SORCS1: variants seen among roughly 807,000 people sequenced by gnomAD.
The protein encoded by SORCS1 is VPS10 domain-containing receptor SorCS1.
SORCS1 carries 60 observed loss-of-function variants against 146.1 expected under a neutral mutation model. That is an observed-to-expected ratio of 0.41 (90% CI 0.33 to 0.51). The LOEUF is 0.51. Ranked by LOEUF, SORCS1 falls within the 20% of genes least tolerant of loss-of-function variation. The pLI, the probability that SORCS1 is intolerant of heterozygous loss-of-function variation, is 0.21. For missense variants in SORCS1, 1,352 were observed against 1,487.6 expected (o/e 0.91, Z 1.50); for synonymous variants, 637 against 584.0 (o/e 1.09, Z -1.31).
chr10:107,075,293 G>A (rs965559211), intron 1 of SORCS1, among the ~76,000 whole-genome samples: 1 of 152,114 alleles, frequency 6.6e-6, no homozygotes, highest in Non-Finnish European at 1.5e-5. Context: ...GCAGTGAAGA[G>A]AGTTTGGAAT....
intron 24 of SORCS1, among the ~76,000 whole-genome samples, chr10:106,589,950 T>C (rs1244812139): frequency 6.6e-6 from 1 of 152,168 alleles, no homozygotes; most frequent in African/African-American, 2.4e-5. Flanking sequence ...ATAAAATTTC[T>C]TCACTAGCGC....
intron 3 of SORCS1, among the ~76,000 whole-genome samples, chr10:106,796,207 T>C (rs1252655545): frequency 6.6e-6 from 1 of 152,208 alleles, no homozygotes; most frequent in African/African-American, 2.4e-5. Flanking sequence ...GCACTGCTTC[T>C]TTGTGTAAAG....
At chr10:106,976,334 T>TTTTTTTTTTGTG (rs1554901336) in intron 1 of SORCS1, among the ~76,000 whole-genome samples, 3 of 69,956 alleles carry the variant, frequency 4.3e-5, no homozygotes, top group Admixed American at 2.6e-4. Context: ...GGTTTTTTTG[T>TTTTTTTTTTGTG]TTTTTTTTTT....
intron 1 of SORCS1, among the ~76,000 whole-genome samples, chr10:107,006,734 G>A (rs1359473915): frequency 2.0e-5 from 3 of 152,266 alleles, no homozygotes; most frequent in East Asian, 1.9e-4. Flanking sequence ...GGAGAACGGC[G>A]TGAACCTGGG....
chr10:106,702,045 C>T (rs1035764827), intron 8 of SORCS1, among the ~76,000 whole-genome samples: 2 of 152,138 alleles, frequency 1.3e-5, no homozygotes, highest in African/African-American at 2.4e-5. Context: ...GTGGTTCACC[C>T]AAGTGTTTTT....
intron 1 of SORCS1, among the ~76,000 whole-genome samples, chr10:107,028,512 G>A (rs1010697656): frequency 1.3e-5 from 2 of 152,212 alleles, no homozygotes; most frequent in Non-Finnish European, 2.9e-5. Context: ...GAAACGCTGA[G>A]TGTAAAGTTT....
intron 9 of SORCS1, among the ~76,000 whole-genome samples, chr10:106,689,810 T>C (rs572160122): frequency 6.6e-6 from 1 of 152,220 alleles, no homozygotes; most frequent in South Asian, 2.1e-4. Flanking sequence ...TTCTAAGAGG[T>C]TGGGTTTCAA....
At chr10:106,838,191 T>C (rs2137098142) in intron 2 of SORCS1, among the ~76,000 whole-genome samples, 1 of 152,328 alleles carries the variant, frequency 6.6e-6, no homozygotes, top group African/African-American at 2.4e-5. Flanking sequence ...GCCCCTGCTG[T>C]TAGAAGATAA....
intron 1 of SORCS1, among the ~76,000 whole-genome samples, chr10:107,058,484 G>C (rs1960865383): frequency 6.6e-6 from 1 of 152,142 alleles, no homozygotes; most frequent in Non-Finnish European, 1.5e-5. Context: ...TATTAACAAA[G>C]AAATTACCTT....
chr10:107,006,815 T>C (rs1194484932), intron 1 of SORCS1, among the ~76,000 whole-genome samples: 1 of 152,134 alleles, frequency 6.6e-6, no homozygotes, highest in African/African-American at 2.4e-5. Context: ...AGACTCCGTC[T>C]CAAAAAAAAG....
intron 1 of SORCS1, among the ~76,000 whole-genome samples, chr10:107,020,268 T>C (rs551801200): frequency 1.1e-4 from 17 of 152,338 alleles, no homozygotes; most frequent in African/African-American, 3.6e-4. Flanking sequence ...TTCTTTAGAA[T>C]TGCATGTAGT....
chr10:106,872,212 C>T (rs913519817), intron 2 of SORCS1, among the ~76,000 whole-genome samples: 1 of 152,144 alleles, frequency 6.6e-6, no homozygotes, highest in Non-Finnish European at 1.5e-5. Context: ...AGAAGGCCTC[C>T]TTGAAACGCA....
intron 1 of SORCS1, among the ~76,000 whole-genome samples, chr10:107,090,009 G>T (rs1964069904): frequency 6.6e-6 from 1 of 152,170 alleles, no homozygotes; most frequent in Non-Finnish European, 1.5e-5. Context: ...AATCCCTTAA[G>T]CCTGTGTTTA....
At chr10:106,745,142 G>A (rs912945044) in intron 5 of SORCS1, among the ~76,000 whole-genome samples, 14 of 152,194 alleles carry the variant, frequency 9.2e-5, no homozygotes, top group South Asian at 4.1e-4. Flanking sequence ...ATAAGGGCCA[G>A]GTGCGGTGGT....
At chr10:106,759,471 C>T (rs549861458) in intron 5 of SORCS1, among the ~76,000 whole-genome samples, 6 of 152,248 alleles carry the variant, frequency 3.9e-5, no homozygotes, top group East Asian at 1.9e-4. Context: ...GGTAGAATCA[C>T]GTCTTTTGGC....
intron 2 of SORCS1, among the ~76,000 whole-genome samples, chr10:106,880,387 A>T (rs762276598): frequency 7.9e-5 from 12 of 152,222 alleles, no homozygotes; most frequent in Admixed American, 3.9e-4. Flanking sequence ...ATATTTAGGA[A>T]AACAAAATTT....
At chr10:106,751,659 C>T (rs997505114) in intron 5 of SORCS1, among the ~76,000 whole-genome samples, 5 of 152,128 alleles carry the variant, frequency 3.3e-5, no homozygotes, top group African/African-American at 1.2e-4. Flanking sequence ...AATATATATA[C>T]TCCAGTGATT....
intron 24 of SORCS1, among the ~76,000 whole-genome samples, chr10:106,590,533 T>A (rs74152217): frequency 2.0e-5 from 3 of 152,334 alleles, no homozygotes; most frequent in African/African-American, 7.2e-5. Flanking sequence ...GGATATTTTC[T>A]TAACGGCTCA....
chr10:106,633,017 AAAG>A (rs971944739), intron 18 of SORCS1, among the ~76,000 whole-genome samples: 16 of 152,192 alleles, frequency 1.1e-4, no homozygotes, highest in African/African-American at 3.9e-4. Flanking sequence ...AGAAATTAAA[AAAG>A]AAGGAGGAAA....
Sources: allele counts gnomAD v4.1 joint callset (sites outside exome capture counted in the v4.1 genomes callset), GRCh38; gene constraint gnomAD v4.1.1; transcripts MANE v1.5; gene names NCBI Gene and HGNC (gene_info 2026-07-23, HGNC 2026-07-21).